Variants in SLC27A6 observed in about 807,000 individuals in gnomAD.
SLC27A6 encodes the protein solute carrier family 27 member 6.
Under a neutral mutation model 63.9 loss-of-function variants are expected in SLC27A6, and 74 were observed. That is an observed-to-expected ratio of 1.16 (90% CI 0.96 to 1.40). SLC27A6 has a LOEUF of 1.40. Ranked by LOEUF, SLC27A6 falls within the 40% of genes most tolerant of loss-of-function variation. The probability of loss-of-function intolerance (pLI) is 0.00; values close to 1 mark genes in which losing one functional copy is unlikely to be tolerated. For missense variants in SLC27A6, 794 were observed against 732.9 expected, an observed-to-expected ratio of 1.08 and a Z score of -0.96; for synonymous variants, 287 against 260.8, an observed-to-expected ratio of 1.10 and a Z score of -0.97.
intron 8 of SLC27A6, 76 bp downstream of exon 8, chr5:129,028,518 G>T (rs1056173047): frequency 8.2e-6 from 7 of 854,708 alleles, no homozygotes; most frequent in Non-Finnish European, 1.3e-5. Context: ...CAACAGTCTT[G>T]CTAATTCAAC....
At chr5:128,980,392 A>G (rs1224104983) in intron 1 of SLC27A6, among the ~76,000 whole-genome samples, 3 of 152,238 alleles carry the variant, frequency 2.0e-5, no homozygotes, top group Non-Finnish European at 4.4e-5. Context: ...TCACACAACT[A>G]GCAAGTGTCA....
chr5:129,025,819 G>A (rs1466730824), intron 6 of SLC27A6, among the ~76,000 whole-genome samples: 1 of 152,130 alleles, frequency 6.6e-6, no homozygotes, highest in Non-Finnish European at 1.5e-5. Context: ...AGAATGCCCA[G>A]GAGTGGGAGA....
At chr5:128,982,494 C>T (rs1750630535) in intron 1 of SLC27A6, among the ~76,000 whole-genome samples, 1 of 152,052 alleles carries the variant, frequency 6.6e-6, no homozygotes, top group Non-Finnish European at 1.5e-5. Flanking sequence ...ACTTATTTCC[C>T]CAATTTAGAC....
chr5:129,020,992 G>A (rs148217581), intron 5 of SLC27A6, among the ~76,000 whole-genome samples: 143 of 151,822 alleles, frequency 9.4e-4, no homozygotes, highest in Admixed American at 1.7e-3. Flanking sequence ...AAATGGGGAC[G>A]CTCATAGGAG....
In SLC27A6 at chr5:128,999,735, A is replaced by G. The variant is rs188482188; in HGVS notation, c.969+9271A>G. On this transcript the variant is annotated intron_variant, in intron 4 of 9. Coordinates refer to ENST00000262462, the MANE Select transcript of SLC27A6 (RefSeq NM_001017372.3). The stretch of plus-strand genomic sequence containing the variant: ...GGACTGTTCCCCCCCTGGATATTGT[A>G]TAGCTCACTCCCTAACCCATCAAAT... Among the ~76,000 whole-genome samples, 45 of 152,136 alleles carry G rather than the reference A, an allele frequency of 3.0e-4. No individual in the cohort carries two copies. In the East Asian group the frequency reaches 8.1e-3, roughly 28 times the overall value.
intron 4 of SLC27A6, among the ~76,000 whole-genome samples, chr5:128,993,778 A>G (rs1273924505): frequency 6.6e-6 from 1 of 152,096 alleles, no homozygotes; most frequent in African/African-American, 2.4e-5. Context: ...GAGAACTGAG[A>G]ATTGAAAACA....
intron 5 of SLC27A6, among the ~76,000 whole-genome samples, chr5:129,017,150 T>C (rs1356777228): frequency 6.6e-6 from 1 of 152,188 alleles, no homozygotes; most frequent in Non-Finnish European, 1.5e-5. Flanking sequence ...ATATCTATTT[T>C]ATTCAAGCAC....
Position 129,025,516 on chromosome 5 carries a change from C to T in SLC27A6, c.1256-1617C>T, listed in dbSNP as rs537131426. On this transcript the variant is annotated intron_variant, in intron 6 of 9. Transcript: ENST00000262462. ...GACATTGGGCAAATTCCTTTTTTTA[C>T]GCCTCAGTTTTTTCACCTTAAAATG... Among the ~76,000 whole-genome samples, 27 of 152,004 alleles carry T rather than the reference C, an allele frequency of 1.8e-4. 1 individual carries two copies. The highest frequency in any genetic ancestry group is 3.4e-3 in the Middle Eastern group (1 of 294).
chr5:128,976,443 G>A (rs1039221462), intron 1 of SLC27A6, among the ~76,000 whole-genome samples: 11 of 152,184 alleles, frequency 7.2e-5, no homozygotes, highest in African/African-American at 2.4e-4. Context: ...GAACCTGGGA[G>A]GCGGAGTTTG....
rs1228164819 is a variant in SLC27A6, at chr5:129,027,340, T to C, written c.1454+9T>C. The C allele has an allele frequency of 6.3e-7, 1 of 1,592,164 alleles. No individual in the cohort carries two copies. Among genetic ancestry groups the C allele is most frequent in the Non-Finnish European group, 8.6e-7 (1 of 1,161,730 alleles). On this transcript the variant is annotated intron_variant, in intron 7 of 9. Transcript: ENST00000262462. ...ACTGGAGACACTTTCAGGTATGAAA[T>C]GTTATGGGATCCATAGCTTGTTCTG... is the stretch of plus-strand genomic sequence containing the variant.
intron 1 of SLC27A6, among the ~76,000 whole-genome samples, chr5:128,976,682 T>C (rs749704428): frequency 0.32 from 48,455 of 152,196 alleles, 8,476 homozygotes; most frequent in East Asian, 0.62. Context: ...AACTACAAAC[T>C]ATGCACCATT....
chr5:128,978,693 A>C (rs1212854090), intron 1 of SLC27A6, among the ~76,000 whole-genome samples: 1 of 152,218 alleles, frequency 6.6e-6, no homozygotes, highest in African/African-American at 2.4e-5. Context: ...AATGTGTTTA[A>C]GGTTCTATTT....
At chr5:129,029,193 A>G (rs2289213) in intron 8 of SLC27A6, among the ~76,000 whole-genome samples, 22 of 151,960 alleles carry the variant, frequency 1.4e-4, no homozygotes, top group Non-Finnish European at 2.5e-4. Context: ...TTAAAAAATA[A>G]GCCCTTCATA....
rs115473769 is a variant in SLC27A6, at chr5:128,993,656, C to A, written c.969+3192C>A. On this transcript the variant is annotated intron_variant, in intron 4 of 9. Coordinates refer to ENST00000262462, the MANE Select transcript of SLC27A6 (RefSeq NM_001017372.3). ...ATAGTTTTTCATATTGATTACAAAT[C>A]TTTTCTCAGTGTTTTTCTTTAAATT... 5.7e-3 allele frequency among the ~76,000 whole-genome samples: 867 copies of A among 152,164 alleles called. 11 individuals are homozygous for A. Among genetic ancestry groups the A allele is most frequent in the African/African-American group, 0.02 (833 of 41,522 alleles).
At chr5:129,003,159 CTG>C (rs768118035) in intron 4 of SLC27A6, among the ~76,000 whole-genome samples, 8 of 152,160 alleles carry the variant, frequency 5.3e-5, no homozygotes, top group Non-Finnish European at 8.8e-5. Context: ...AAGAGAGAAT[CTG>C]TGTGCATACA....
chr5:129,015,118 C>T (rs1279202841), intron 4 of SLC27A6, among the ~76,000 whole-genome samples: 3 of 152,030 alleles, frequency 2.0e-5, no homozygotes, highest in African/African-American at 7.2e-5. Flanking sequence ...TGGAGGTAAT[C>T]AGAGCAAATA....
intron 8 of SLC27A6, 22 bp from the exon 9 acceptor site, chr5:129,029,553 ACT>A: frequency 6.6e-7 from 1 of 1,509,992 alleles, no homozygotes; most frequent in South Asian, 1.2e-5. Flanking sequence ...CTTAAAAATG[ACT>A]CTATTTCAAA....
chr5:128,966,733 T>G (rs917725966), intron 1 of SLC27A6, 115 bp downstream of exon 1: 14 of 1,053,330 alleles, frequency 1.3e-5, no homozygotes, highest in Non-Finnish European at 1.8e-5. Flanking sequence ...GAAGTGTGCA[T>G]GTTAAGAGTA....
chr5:128,980,490 A>AT (rs1301597548), intron 1 of SLC27A6, among the ~76,000 whole-genome samples: 2 of 152,038 alleles, frequency 1.3e-5, no homozygotes, highest in South Asian at 2.1e-4. Context: ...CTGAAACCAT[A>AT]TTTTTTTGTT....
Sources: gnomAD v4.1 joint callset for allele counts (sites outside exome capture counted in the v4.1 genomes callset) on GRCh38, gnomAD v4.1.1 for gene constraint, MANE v1.5 for transcripts, NCBI Gene and HGNC (gene_info 2026-07-23, HGNC 2026-07-21) for gene names.